Variants in SPIRE1 observed in about 807,000 individuals in gnomAD.
SPIRE1 encodes spire type actin nucleation factor 1, also known as protein spire homolog 1.
SPIRE1 carries 40 observed loss-of-function variants against 94.1 expected under a neutral mutation model. The observed-to-expected ratio is 0.43, with a 90% CI of 0.33 to 0.55. SPIRE1 has a LOEUF of 0.55. SPIRE1 is among the 20% of genes least tolerant of loss of function. The pLI is 0.06. For synonymous variants in SPIRE1, 376 were observed against 371.7 expected (o/e 1.01, Z -0.13); for missense variants, 838 against 975.2 (o/e 0.86, Z 1.87).
At chr18:12,545,693 A>G (rs547528181) in intron 3 of SPIRE1, among the ~76,000 whole-genome samples, 2 of 152,214 alleles carry the variant, frequency 1.3e-5, no homozygotes, top group Non-Finnish European at 2.9e-5. Context: ...AACTTGCTTC[A>G]TTACATATAA....
At chr18:12,626,116 A>G (rs946739499) in intron 2 of SPIRE1, among the ~76,000 whole-genome samples, 10 of 151,338 alleles carry the variant, frequency 6.6e-5, no homozygotes, top group Non-Finnish European at 1.3e-4. Context: ...AATTATGGGT[A>G]GTGAGCTGAT....
chr18:12,579,237 TACTG>T (rs1365633086), intron 2 of SPIRE1, among the ~76,000 whole-genome samples: 1 of 136,906 alleles, frequency 7.3e-6, no homozygotes, highest in Non-Finnish European at 1.6e-5. Flanking sequence ...ACACACAAAA[TACTG>T]ACTAGTAATG....
intron 2 of SPIRE1, among the ~76,000 whole-genome samples, chr18:12,613,493 T>C (rs1398010107): frequency 6.6e-6 from 1 of 152,204 alleles, no homozygotes; most frequent in Non-Finnish European, 1.5e-5. Context: ...CAAATGTAGC[T>C]ACAGAACACT....
intron 6 of SPIRE1, among the ~76,000 whole-genome samples, chr18:12,505,583 T>C (rs2033806783): frequency 6.7e-6 from 1 of 149,706 alleles, no homozygotes; most frequent in Non-Finnish European, 1.5e-5. Flanking sequence ...AAACTCTCAA[T>C]TGGAGATGGA....
intron 2 of SPIRE1, among the ~76,000 whole-genome samples, chr18:12,628,861 T>C (rs539751706): frequency 6.6e-6 from 1 of 152,306 alleles, no homozygotes; most frequent in East Asian, 1.9e-4. Flanking sequence ...GTTATTAGTG[T>C]ACAGGAATGA....
At chr18:12,598,178 T>C (rs904154901) in intron 2 of SPIRE1, among the ~76,000 whole-genome samples, 4 of 152,220 alleles carry the variant, frequency 2.6e-5, no homozygotes, top group African/African-American at 9.6e-5. Context: ...TACACATTTT[T>C]AAACTAAATT....
At chr18:12,599,721 T>C (rs1018554877) in intron 2 of SPIRE1, among the ~76,000 whole-genome samples, 2 of 152,200 alleles carry the variant, frequency 1.3e-5, no homozygotes, top group Non-Finnish European at 2.9e-5. Context: ...CAGAGATACA[T>C]GACCCTTTCA....
intron 6 of SPIRE1, among the ~76,000 whole-genome samples, 187 bp from the exon 7 acceptor site, chr18:12,496,289 A>G: frequency 6.6e-6 from 1 of 152,256 alleles, no homozygotes; most frequent in Non-Finnish European, 1.5e-5. Flanking sequence ...AAATTGAAGA[A>G]AATCCAAGTT....
At chr18:12,571,487 C>A (rs776470780) in intron 2 of SPIRE1, among the ~76,000 whole-genome samples, 33 of 152,182 alleles carry the variant, frequency 2.2e-4, no homozygotes, top group Non-Finnish European at 4.7e-4. Context: ...GGTATGCATT[C>A]TGCGTCTTTA....
intron 12 of SPIRE1, among the ~76,000 whole-genome samples, chr18:12,455,102 A>AT (rs1266338840): frequency 6.6e-6 from 1 of 151,732 alleles, no homozygotes; most frequent in East Asian, 1.9e-4. Flanking sequence ...TGCCCAGCTA[A>AT]TTTTTTTGTA....
intron 12 of SPIRE1, among the ~76,000 whole-genome samples, chr18:12,461,589 A>T (rs898407061): frequency 2.0e-5 from 3 of 148,656 alleles, no homozygotes; most frequent in Non-Finnish European, 4.4e-5. Flanking sequence ...ATATGTATAT[A>T]CATACATACA....
At chr18:12,611,010 C>T (rs2037125650) in intron 2 of SPIRE1, among the ~76,000 whole-genome samples, 1 of 151,740 alleles carries the variant, frequency 6.6e-6, no homozygotes. Flanking sequence ...CATCATATCC[C>T]CTCTCGCCAA....
At chr18:12,581,851 G>A (rs2036266134) in intron 2 of SPIRE1, among the ~76,000 whole-genome samples, 2 of 146,242 alleles carry the variant, frequency 1.4e-5, no homozygotes, top group Admixed American at 1.4e-4. Flanking sequence ...GCATCAGAAT[G>A]AGACTGTTTA....
upstream of SPIRE1, among the ~76,000 whole-genome samples, chr18:12,659,816 A>G (rs2038658858): frequency 6.6e-6 from 1 of 152,196 alleles, no homozygotes; most frequent in South Asian, 2.1e-4. Context: ...TGCAGTATCT[A>G]TGTGTGCCAA....
chr18:12,470,479 A>C (rs992828751), intron 10 of SPIRE1, among the ~76,000 whole-genome samples: 2 of 152,196 alleles, frequency 1.3e-5, no homozygotes, highest in Non-Finnish European at 2.9e-5. Context: ...TGATTGCTTA[A>C]AATGAATCTT....
chr18:12,447,807 T>G lies in SPIRE1; in HGVS notation c.*1831A>C, dbSNP rs982914612. On this transcript the variant is annotated 3_prime_UTR_variant, in exon 17 of 17. Coordinates refer to ENST00000409402, the MANE Select transcript of SPIRE1 (RefSeq NM_001128626.2). The stretch of plus-strand genomic sequence containing the variant: ...CATTATTTTAAAAAGCACATTCTCC[T>G]AGGTGCATATTTATATACATATACA... The G allele has an allele frequency of 4.6e-5, 7 of 152,216 alleles. No homozygotes were observed. The highest frequency in any genetic ancestry group is 1.4e-4 in the African/African-American group (6 of 41,468). 9.4% of individuals were successfully genotyped at this position (152,216 alleles called of 1,614,324 possible).
At chr18:12,563,998 C>A (rs2144412279) in intron 2 of SPIRE1, among the ~76,000 whole-genome samples, 1 of 152,252 alleles carries the variant, frequency 6.6e-6, no homozygotes, top group South Asian at 2.1e-4. Context: ...TCTTCAGTTT[C>A]TTAAACAGCT....
In SPIRE1 at chr18:12,452,236, A is replaced by G. The variant is rs1012803749; in HGVS notation, c.2012+19T>C. 2.5e-6 allele frequency: 4 copies of G among 1,613,082 alleles called. No homozygotes were observed. Among genetic ancestry groups the G allele is most frequent in the Non-Finnish European group, 3.4e-6 (4 of 1,179,856 alleles). On this transcript the variant is annotated intron_variant, in intron 16 of 16. Coordinates refer to ENST00000409402, the MANE Select transcript of SPIRE1 (RefSeq NM_001128626.2). ...TTCTTCTGCAAAGGATGGTTTGACA[A>G]CCCAGGCCCCTTGCTCACCTGGCAA...
At chr18:12,586,217 G>T (rs1342120429) in intron 2 of SPIRE1, among the ~76,000 whole-genome samples, 1 of 152,144 alleles carries the variant, frequency 6.6e-6, no homozygotes, top group Non-Finnish European at 1.5e-5. Context: ...GCCTCCCAAA[G>T]TGCTGGGATT....
Sources: allele counts gnomAD v4.1 joint callset (sites outside exome capture counted in the v4.1 genomes callset), GRCh38; gene constraint gnomAD v4.1.1; transcripts MANE v1.5; gene names NCBI Gene and HGNC (gene_info 2026-07-23, HGNC 2026-07-21).